TSHR: variants seen among roughly 807,000 people sequenced by gnomAD.
TSHR encodes thyroid stimulating hormone receptor, also known as thyrotropin receptor.
TSHR carries 51 observed loss-of-function variants against 64.1 expected under a neutral mutation model. The observed-to-expected ratio is 0.80, with a 90% CI of 0.64 to 1.01. The LOEUF (loss-of-function observed/expected upper bound fraction) is 1.01. Ranked by LOEUF, TSHR falls within the 50% of genes least tolerant of loss-of-function variation. The pLI is 0.00. For synonymous variants in TSHR, 361 were observed against 361.9 expected (o/e 1.00, Z 0.03); for missense variants, 877 against 942.8 (o/e 0.93, Z 0.91).
intron 1 of TSHR, among the ~76,000 whole-genome samples, chr14:80,987,098 C>G (rs993311817): frequency 2.6e-5 from 4 of 152,194 alleles, no homozygotes; most frequent in Non-Finnish European, 5.9e-5. Context: ...TCTCAAGCCT[C>G]CTGTATCCTT....
Position 81,142,993 on chromosome 14 carries a change from G to GA in TSHR, c.939dup (p.Ser314IlefsTer7). 6.2e-7 allele frequency: 1 copy of GA among 1,614,170 alleles called. No homozygotes were observed. The highest frequency in any genetic ancestry group is 2.2e-5 in the East Asian group (1 of 44,866). On this transcript the variant is annotated frameshift_variant, in exon 10 of 10. Coordinates refer to ENST00000298171, the MANE Select transcript of TSHR (RefSeq NM_000369.5). LOFTEE classifies it high-confidence loss of function. ...AGCAGTATGCAGAGCTTGCGCCAGA[G>GA]AAAATCTGTGAATGCCTTGAATAGC...
At chr14:81,070,168 A>T (rs967550194) in intron 3 of TSHR, among the ~76,000 whole-genome samples, 3 of 152,100 alleles carry the variant, frequency 2.0e-5, no homozygotes, top group Admixed American at 6.5e-5. Context: ...AAAAGAGAGA[A>T]AGAATGAGAA....
At chr14:81,013,145 C>G (rs1890010170) in intron 1 of TSHR, 1 of 152,178 alleles carries the variant, frequency 6.6e-6, no homozygotes. Flanking sequence ...GATCCAGTTT[C>G]AGCTTTCTAC....
At chr14:81,101,792 C>T (rs577392127) in intron 7 of TSHR, among the ~76,000 whole-genome samples, 1 of 152,150 alleles carries the variant, frequency 6.6e-6, no homozygotes, top group Admixed American at 6.5e-5. Context: ...AATTGGAATA[C>T]CTGGAGAAAA....
At chr14:81,098,859 A>G (rs543839979) in intron 7 of TSHR, among the ~76,000 whole-genome samples, 3 of 152,186 alleles carry the variant, frequency 2.0e-5, no homozygotes, top group Non-Finnish European at 2.9e-5. Context: ...GATATAGGGT[A>G]ATTGATTTCT....
chr14:80,960,720 C>T (rs557991514), intron 1 of TSHR, among the ~76,000 whole-genome samples: 1 of 152,230 alleles, frequency 6.6e-6, no homozygotes, highest in East Asian at 1.9e-4. Context: ...AGAAAACCAA[C>T]TCTGTTTAGG....
At chr14:80,979,514 A>G (rs1888062218) in intron 1 of TSHR, among the ~76,000 whole-genome samples, 1 of 152,196 alleles carries the variant, frequency 6.6e-6, no homozygotes, top group Non-Finnish European at 1.5e-5. Context: ...GCTAGAAGAG[A>G]TGATGTTGAA....
intron 7 of TSHR, chr14:81,104,213 A>C: frequency 1.0e-6 from 1 of 985,418 alleles, no homozygotes; most frequent in Non-Finnish European, 1.2e-6. Context: ...ATTTCCATAG[A>C]GCAATCCAGC....
chr14:81,058,352 T>C (rs1176029589), intron 1 of TSHR, among the ~76,000 whole-genome samples: 1 of 152,226 alleles, frequency 6.6e-6, no homozygotes, highest in Non-Finnish European at 1.5e-5. Context: ...GCAAAACAAA[T>C]TGGAATTGCA....
chr14:81,122,562 G>A (rs1051548702), intron 8 of TSHR, among the ~76,000 whole-genome samples: 2 of 152,206 alleles, frequency 1.3e-5, no homozygotes, highest in Non-Finnish European at 2.9e-5. Flanking sequence ...ACTATTTCAG[G>A]AGAGTAGAAG....
chr14:81,072,934 T>A (rs1388904315), intron 3 of TSHR, among the ~76,000 whole-genome samples: 1 of 119,894 alleles, frequency 8.3e-6, no homozygotes, highest in Non-Finnish European at 1.6e-5. Flanking sequence ...GAGGCGGAGC[T>A]TGCAGTGAGC....
At chr14:80,993,399 A>C (rs1888846353) in intron 1 of TSHR, 1 of 152,170 alleles carries the variant, frequency 6.6e-6, no homozygotes, top group African/African-American at 2.4e-5. Flanking sequence ...TAGGGAAAAT[A>C]ATAATATTTA....
intron 1 of TSHR, among the ~76,000 whole-genome samples, chr14:81,054,394 G>A (rs1885627111): frequency 6.6e-6 from 1 of 152,196 alleles, no homozygotes; most frequent in African/African-American, 2.4e-5. Context: ...AATTGGTACT[G>A]GGAATGGGTT....
intron 1 of TSHR, among the ~76,000 whole-genome samples, chr14:80,974,676 T>G (rs1887774667): frequency 6.6e-6 from 1 of 152,210 alleles, no homozygotes; most frequent in Non-Finnish European, 1.5e-5. Flanking sequence ...AATGTACTTG[T>G]GAAGGATTCC....
chr14:80,970,788 G>T (rs1887550842), intron 1 of TSHR, among the ~76,000 whole-genome samples: 1 of 152,200 alleles, frequency 6.6e-6, no homozygotes, highest in African/African-American at 2.4e-5. Context: ...GGTAGAAAGG[G>T]CAAGATACAA....
In TSHR at chr14:80,955,817, G is replaced by T; in HGVS notation, c.137G>T (p.Arg46Leu). The T allele has an allele frequency of 6.2e-7, 1 of 1,614,186 alleles. No individual in the cohort carries two copies. The highest frequency in any genetic ancestry group is 8.5e-7 in the Non-Finnish European group (1 of 1,180,044). ...DFRVTCKDIQ[R>L]IPSLPPSTQT... ...AGAGTCACCTGCAAGGATATTCAAC[G>T]CATCCCCAGCTTACCGCCCAGTACG... is the stretch of plus-strand genomic sequence containing the variant. Residue 46 changes from arginine to leucine, a missense_variant, in exon 1 of 10, where the codon CGC (arginine) becomes CTC (leucine). Transcript: ENST00000298171.
intron 1 of TSHR, among the ~76,000 whole-genome samples, chr14:80,980,058 A>C (rs184388971): frequency 6.6e-6 from 1 of 152,086 alleles, no homozygotes; most frequent in African/African-American, 2.4e-5. Flanking sequence ...ATCTTTTACT[A>C]GTTTCCCTCC....
intron 8 of TSHR, among the ~76,000 whole-genome samples, chr14:81,138,449 A>G (rs1196118733): frequency 2.0e-5 from 3 of 152,148 alleles, no homozygotes; most frequent in Admixed American, 1.3e-4. Flanking sequence ...TCAGCCTACC[A>G]AAGTGCTGGG....
chr14:81,005,212 TGTGTGTGTGTGTGTG>T (rs1307020219), intron 1 of TSHR, among the ~76,000 whole-genome samples: 49 of 12,734 alleles, frequency 3.8e-3, no homozygotes, highest in Non-Finnish European at 0.02. Context: ...TGTGTGTGTG[TGTGTGTGTGTGTGTG>T]TGTGTGTGTG....
Sources: gnomAD v4.1 joint callset for allele counts (sites outside exome capture counted in the v4.1 genomes callset) on GRCh38, gnomAD v4.1.1 for gene constraint, MANE v1.5 for transcripts, NCBI Gene and HGNC (gene_info 2026-07-23, HGNC 2026-07-21) for gene names.